The following RGS8 variants were observed in gnomAD, a reference collection of about 807,000 sequenced individuals.
The protein encoded by RGS8 is regulator of G-protein signaling 8.
A neutral mutation model predicts 21.7 loss-of-function variants in RGS8; 8 were observed. The observed-to-expected ratio is 0.37, with a 90% CI of 0.22 to 0.66. The LOEUF (loss-of-function observed/expected upper bound fraction) is 0.66. Ranked by LOEUF, RGS8 falls within the 30% of genes least tolerant of loss-of-function variation. RGS8 has a pLI of 0.59. For missense variants in RGS8, 157 were observed against 217.9 expected, an observed-to-expected ratio of 0.72 and a Z score of 1.76; for synonymous variants, 80 against 83.6, an observed-to-expected ratio of 0.96 and a Z score of 0.24.
chr1:182,731,308 T>A, the RGS8 span, among the ~76,000 whole-genome samples: 2 of 152,228 alleles, frequency 1.3e-5, no homozygotes, highest in Admixed American at 1.3e-4. Context: ...ATTTCTCCAG[T>A]GTGCTGCTTG....
intron 5 of RGS8, among the ~76,000 whole-genome samples, chr1:182,654,255 G>A (rs776862355): frequency 6.6e-6 from 1 of 152,156 alleles, no homozygotes; most frequent in Non-Finnish European, 1.5e-5. Context: ...AAAGGGTATT[G>A]AAAATGGGAG....
chr1:182,737,798 T>C, the RGS8 span, among the ~76,000 whole-genome samples: 4 of 152,088 alleles, frequency 2.6e-5, no homozygotes, highest in African/African-American at 9.7e-5. Context: ...TTCAACCCCC[T>C]ACAGGCAGCT....
chr1:182,738,705 A>G, the RGS8 span, among the ~76,000 whole-genome samples: 1 of 152,246 alleles, frequency 6.6e-6, no homozygotes, highest in Non-Finnish European at 1.5e-5. Flanking sequence ...AGCTACAGTC[A>G]GTGAAACATC....
the RGS8 span, among the ~76,000 whole-genome samples, chr1:182,722,482 G>A: frequency 6.6e-6 from 1 of 151,782 alleles, no homozygotes; most frequent in African/African-American, 2.4e-5. Flanking sequence ...TCCCTCCTGA[G>A]GACTCTGGAG....
At chr1:182,701,316 C>T in the RGS8 span, among the ~76,000 whole-genome samples, 2 of 152,168 alleles carry the variant, frequency 1.3e-5, no homozygotes, top group Non-Finnish European at 2.9e-5. Flanking sequence ...TCCATGACTT[C>T]CTAAAGAAAT....
At chr1:182,681,769 G>A (rs969618492) in intron 1 of RGS8, among the ~76,000 whole-genome samples, 9 of 152,364 alleles carry the variant, frequency 5.9e-5, no homozygotes, top group East Asian at 5.8e-4. Context: ...GGTGCACTCC[G>A]ATGCACGGAG....
chr1:182,681,395 T>G (rs1185581000), intron 1 of RGS8, among the ~76,000 whole-genome samples: 1 of 152,220 alleles, frequency 6.6e-6, no homozygotes, highest in Non-Finnish European at 1.5e-5. Context: ...AGAGAGCAGC[T>G]TCAGCACTCT....
intron 5 of RGS8, among the ~76,000 whole-genome samples, chr1:182,664,016 C>T (rs1663730015): frequency 6.6e-6 from 1 of 152,128 alleles, no homozygotes; most frequent in Non-Finnish European, 1.5e-5. Flanking sequence ...AGTGTCATTG[C>T]ATTCCCAAAA....
At chr1:182,732,261 T>C in the RGS8 span, among the ~76,000 whole-genome samples, 6 of 102,864 alleles carry the variant, frequency 5.8e-5, no homozygotes, top group Non-Finnish European at 1.2e-4. Flanking sequence ...TCTGTCTCGC[T>C]CTCTCTCTCA....
At chr1:182,648,714 G>A (rs892725890) in intron 5 of RGS8, among the ~76,000 whole-genome samples, 2 of 152,034 alleles carry the variant, frequency 1.3e-5, no homozygotes, top group Admixed American at 6.5e-5. Context: ...CAATCTGGGC[G>A]ACAGAGCGAG....
the RGS8 span, among the ~76,000 whole-genome samples, chr1:182,747,041 G>GTTTTTTTTTT: frequency 1.5e-4 from 4 of 26,192 alleles, no homozygotes; most frequent in Admixed American, 5.5e-4. Flanking sequence ...AACACTGCTG[G>GTTTTTTTTTT]TCTTTTTTTT....
chr1:182,675,388 C>T (rs1321284652), upstream of RGS8, among the ~76,000 whole-genome samples: 5 of 152,166 alleles, frequency 3.3e-5, no homozygotes, highest in Non-Finnish European at 5.9e-5. Context: ...CAACCTCCTG[C>T]CCTCTCTTAA....
At chr1:182,720,204 C>A in the RGS8 span, among the ~76,000 whole-genome samples, 3 of 152,176 alleles carry the variant, frequency 2.0e-5, no homozygotes, top group Non-Finnish European at 4.4e-5. Context: ...TCCTCTACCT[C>A]CCTCAGAGCT....
intron 1 of RGS8, among the ~76,000 whole-genome samples, chr1:182,678,561 T>C (rs1664442895): frequency 6.6e-6 from 1 of 152,194 alleles, no homozygotes; most frequent in Non-Finnish European, 1.5e-5. Context: ...CTTAGAGGCA[T>C]AGCCAGGACT....
At chr1:182,741,304 T>G in the RGS8 span, among the ~76,000 whole-genome samples, 2 of 8,506 alleles carry the variant, frequency 2.4e-4, no homozygotes, top group Non-Finnish European at 5.4e-4. Flanking sequence ...GCTGGCCGGG[T>G]GGGGGGCTGA....
intron 1 of RGS8, among the ~76,000 whole-genome samples, chr1:182,683,355 T>A (rs569794445): frequency 6.6e-6 from 1 of 152,336 alleles, no homozygotes; most frequent in South Asian, 2.1e-4. Flanking sequence ...ATCTCATGAA[T>A]ACAGTTATCT....
Position 182,646,931 on chromosome 1 carries a change from C to A in RGS8, c.361-14G>T. 2.5e-6 allele frequency: 4 copies of A among 1,609,646 alleles called. No homozygotes were observed. Among genetic ancestry groups the A allele is most frequent in the Non-Finnish European group, 2.5e-6 (3 of 1,178,564 alleles). The stretch of plus-strand genomic sequence containing the variant: ...GTCAATGTTTACCTAGAGATACAAA[C>A]AGAGAGCAAGGTCACAGGCCCTCAA... On this transcript the variant is annotated splice_polypyrimidine_tract_variant and intron_variant, in intron 6 of 6. Coordinates refer to ENST00000483095, the Ensembl canonical transcript of RGS8.
At chr1:182,694,071 GAC>G in the RGS8 span, among the ~76,000 whole-genome samples, 2 of 150,906 alleles carry the variant, frequency 1.3e-5, no homozygotes, top group Non-Finnish European at 2.9e-5. Context: ...AAACCCCCAC[GAC>G]ACACAGTTTA....
At chr1:182,672,069 GT>G (rs1202304090), upstream of RGS8, 1 of 372,312 alleles carries the variant, frequency 2.7e-6, no homozygotes, top group East Asian at 7.1e-5. Flanking sequence ...TCAGGGAGAA[GT>G]CCCCACAGCC....
Sources: gnomAD v4.1 joint callset for allele counts (sites outside exome capture counted in the v4.1 genomes callset) on GRCh38, gnomAD v4.1.1 for gene constraint, MANE v1.5 for transcripts, NCBI Gene and HGNC (gene_info 2026-07-23, HGNC 2026-07-21) for gene names.